The following PTPRT variants were observed in gnomAD, a reference collection of about 807,000 sequenced individuals.
PTPRT encodes receptor-type tyrosine-protein phosphatase T.
A neutral mutation model predicts 176.8 loss-of-function variants in PTPRT; 56 were observed. The observed-to-expected ratio is 0.32, with a 90% confidence interval of 0.26 to 0.40. The LOEUF is 0.40. Ranked by LOEUF, PTPRT falls within the 10% of genes least tolerant of loss-of-function variation. The probability of loss-of-function intolerance (pLI) is 1.00; values close to 1 mark genes in which losing one functional copy is unlikely to be tolerated. For synonymous variants in PTPRT, 783 were observed against 739.0 expected (o/e 1.06, Z -0.96); for missense variants, 1,540 against 1,908.2 (o/e 0.81, Z 3.60).
At chr20:43,116,869 G>T (rs373244494) in intron 1 of PTPRT, among the ~76,000 whole-genome samples, 1 of 152,206 alleles carries the variant, frequency 6.6e-6, no homozygotes. Context: ...GTATTAGATA[G>T]CTCTTGCAAC....
In PTPRT at chr20:42,097,298, A is replaced by G. The variant is rs571790060; in HGVS notation, c.3846+1123T>C. On this transcript the variant is annotated intron_variant, in intron 27 of 30. Coordinates refer to ENST00000373187, the MANE Select transcript of PTPRT (RefSeq NM_007050.6). ...ATTCTTCTCCTCCTGATATTCCTCT[A>G]GGTCCCAGCCACACTGGAACATAAA... is the stretch of plus-strand genomic sequence containing the variant. Among the ~76,000 whole-genome samples the G allele has an allele frequency of 4.4e-3, 673 of 152,232 alleles. 8 individuals are homozygous for G. Among genetic ancestry groups the G allele is most frequent in the African/African-American group, 0.015 (637 of 41,540 alleles).
At chr20:42,737,751 A>G (rs774694946) in intron 6 of PTPRT, among the ~76,000 whole-genome samples, 3 of 152,178 alleles carry the variant, frequency 2.0e-5, no homozygotes, top group Non-Finnish European at 4.4e-5. Flanking sequence ...ACTGTTGTCT[A>G]AAGCCACCCA....
chr20:42,874,905 T>C (rs1054568178), intron 2 of PTPRT, among the ~76,000 whole-genome samples: 6 of 152,226 alleles, frequency 3.9e-5, no homozygotes, highest in Non-Finnish European at 7.3e-5. Flanking sequence ...CTTTCTTTTT[T>C]GAGATGAAGT....
intron 1 of PTPRT, among the ~76,000 whole-genome samples, chr20:43,075,526 G>A (rs1220485221): frequency 6.6e-6 from 1 of 152,222 alleles, no homozygotes; most frequent in Non-Finnish European, 1.5e-5. Context: ...GGATGGAGCT[G>A]GGATTCCTGC....
chr20:42,224,093 T>TA lies in PTPRT; in HGVS notation c.2342+12135dup, dbSNP rs2055948866. 3.3e-5 allele frequency among the ~76,000 whole-genome samples: 5 copies of TA among 152,232 alleles called. No individual in the cohort carries two copies. In the South Asian group the frequency reaches 1.0e-3, roughly 32 times the overall value. Reference sequence around the variant, plus strand: ...GCACTGTGGTTCAAAGCCCTTAGAATAAAAAACTGCTCCAGAAAGCAACTC... The same window carrying TA: ...GCACTGTGGTTCAAAGCCCTTAGAATAAAAAAACTGCTCCAGAAAGCAACTC... On this transcript the variant is annotated intron_variant, in intron 15 of 30. Coordinates refer to ENST00000373187, the MANE Select transcript of PTPRT (RefSeq NM_007050.6).
intron 1 of PTPRT, among the ~76,000 whole-genome samples, chr20:43,126,987 T>C (rs1187555491): frequency 1.3e-5 from 2 of 152,230 alleles, no homozygotes; most frequent in African/African-American, 4.8e-5. Flanking sequence ...ACGATTATTA[T>C]TTCCAATTCT....
At chr20:42,688,951 A>G (rs2075746107) in intron 6 of PTPRT, among the ~76,000 whole-genome samples, 1 of 152,214 alleles carries the variant, frequency 6.6e-6, no homozygotes, top group South Asian at 2.1e-4. Flanking sequence ...CCAATGAGCT[A>G]TAGAAGAAAG....
rs187152335 is a variant in PTPRT at position 42,159,384 on chromosome 20, T to G, written c.2682+1968A>C. ...CCATGCTGTCTATAGAATCTTGTTT[T>G]TTTTTTCTTGGATATATGGCTTGAA... On this transcript the variant is annotated intron_variant, in intron 17 of 30. Coordinates refer to ENST00000373187, the MANE Select transcript of PTPRT (RefSeq NM_007050.6). Among the ~76,000 whole-genome samples the G allele has an allele frequency of 4.6e-5, 7 of 152,182 alleles. No homozygotes were observed. The East Asian group carries it at 1.4e-3, about 29-fold the overall frequency.
At chr20:43,055,443 C>A (rs543983370) in intron 1 of PTPRT, among the ~76,000 whole-genome samples, 1 of 152,270 alleles carries the variant, frequency 6.6e-6, no homozygotes, top group South Asian at 2.1e-4. Context: ...CATCCATCAG[C>A]ATGCTGTTCA....
chr20:42,622,370 T>G (rs2074215125), intron 7 of PTPRT, among the ~76,000 whole-genome samples: 1 of 151,918 alleles, frequency 6.6e-6, no homozygotes, highest in African/African-American at 2.4e-5. Flanking sequence ...GCCTCCCGAG[T>G]AGCTGGGACT....
intron 7 of PTPRT, among the ~76,000 whole-genome samples, chr20:42,607,060 C>G (rs1435114732): frequency 6.6e-6 from 1 of 152,072 alleles, no homozygotes; most frequent in Non-Finnish European, 1.5e-5. Context: ...CATAGATTAG[C>G]CTTAAGCTAA....
chr20:42,295,596 T>A (rs73120068), intron 12 of PTPRT, among the ~76,000 whole-genome samples: 2,428 of 152,320 alleles, frequency 0.016, 23 homozygotes, highest in Non-Finnish European at 0.023. Context: ...ATAAATGTTA[T>A]GTTTTCTGTC....
At chr20:43,047,034 C>A (rs1412122177) in intron 1 of PTPRT, among the ~76,000 whole-genome samples, 1 of 152,104 alleles carries the variant, frequency 6.6e-6, no homozygotes, top group East Asian at 1.9e-4. Context: ...AGTTAAAGAT[C>A]ATTCACGCCA....
chr20:42,169,792 A>ACACACC (rs781141603), intron 16 of PTPRT, among the ~76,000 whole-genome samples: 1 of 95,352 alleles, frequency 1.0e-5, no homozygotes, highest in African/African-American at 3.5e-5. Flanking sequence ...ACACACACAC[A>ACACACC]ACAGTCAGTA....
At chr20:43,085,708 G>A (rs963925675) in intron 1 of PTPRT, among the ~76,000 whole-genome samples, 3 of 152,006 alleles carry the variant, frequency 2.0e-5, no homozygotes, top group Non-Finnish European at 4.4e-5. Context: ...AACAGCACGC[G>A]AAAAACCCTC....
At chr20:42,970,355 A>C (rs6030572) in intron 1 of PTPRT, among the ~76,000 whole-genome samples, 36,538 of 152,098 alleles carry the variant, frequency 0.24, 6,001 homozygotes, top group African/African-American at 0.47. Context: ...CGCTTTTACA[A>C]TGAGAAGCAA....
intron 7 of PTPRT, among the ~76,000 whole-genome samples, chr20:42,551,356 T>C (rs1338677952): frequency 2.0e-5 from 3 of 152,158 alleles, no homozygotes; most frequent in African/African-American, 7.2e-5. Flanking sequence ...AAAAGCAATT[T>C]AAATGGTTCA....
intron 1 of PTPRT, among the ~76,000 whole-genome samples, chr20:43,042,014 C>T (rs1306015641): frequency 6.6e-6 from 1 of 152,184 alleles, no homozygotes; most frequent in East Asian, 1.9e-4. Context: ...CTGACATGTA[C>T]CAGAATCTGA....
intron 7 of PTPRT, among the ~76,000 whole-genome samples, chr20:42,663,639 T>C (rs2075264591): frequency 6.6e-6 from 1 of 152,150 alleles, no homozygotes; most frequent in Non-Finnish European, 1.5e-5. Flanking sequence ...CTTCATAGAT[T>C]TCACTGGTAA....
Sources: allele counts gnomAD v4.1 joint callset (sites outside exome capture counted in the v4.1 genomes callset), GRCh38; gene constraint gnomAD v4.1.1; transcripts MANE v1.5; gene names NCBI Gene and HGNC (gene_info 2026-07-23, HGNC 2026-07-21).